GTF3C5: variants seen among roughly 807,000 people sequenced by gnomAD.
GTF3C5 encodes general transcription factor 3C polypeptide 5.
A neutral mutation model predicts 61.0 loss-of-function variants in GTF3C5; 47 were observed. That is an observed-to-expected ratio of 0.77 (90% CI 0.61 to 0.98). GTF3C5 has a LOEUF of 0.98. Among genes scored for constraint, GTF3C5 ranks in the 50% least tolerant of loss-of-function variants. The probability of loss-of-function intolerance (pLI) is 0.00; values close to 1 mark genes in which losing one functional copy is unlikely to be tolerated. For synonymous variants in GTF3C5, 295 were observed against 275.4 expected (o/e 1.07, Z -0.71); for missense variants, 659 against 703.3 (o/e 0.94, Z 0.71).
Position 133,055,248 on chromosome 9 carries a change from G to T in GTF3C5, c.1167+439G>T, listed in dbSNP as rs191518102. ...CAGTGCGGTTGCCCAGCGGGGGTTGGCGGTTTCCAGAGCTGTTCCCACATT... is the reference window on the plus strand; with the variant it reads ...CAGTGCGGTTGCCCAGCGGGGGTTGTCGGTTTCCAGAGCTGTTCCCACATT... On this transcript the variant is annotated intron_variant, in intron 8 of 10. Coordinates refer to ENST00000372097, the MANE Select transcript of GTF3C5 (RefSeq NM_012087.4). The T allele has an allele frequency of 3.6e-5, 53 of 1,475,816 alleles. No individual in the cohort carries two copies. The Middle Eastern group carries it at 5.3e-4, about 15-fold the overall frequency. 91.4% of individuals were successfully genotyped at this position (1,475,816 alleles called of 1,614,324 possible). A position where few individuals can be genotyped will look rare whatever the true frequency, so the allele number is the denominator to read the frequency against.
chr9:133,056,765 G>A lies in GTF3C5; in HGVS notation c.1251-1G>A. On this transcript the variant is annotated splice_acceptor_variant, in intron 9 of 10. Transcript: ENST00000372097. LOFTEE classifies it high-confidence loss of function. ...TGTCCCAACCCTCTCCCCACCCCCA[G>A]GTTGCAGAAGATCATTCACCGCAAT... is the stretch of plus-strand genomic sequence containing the variant. 5.0e-6 allele frequency: 8 copies of A among 1,598,162 alleles called. No individual in the cohort carries two copies. The highest frequency in any genetic ancestry group is 6.8e-6 in the Non-Finnish European group (8 of 1,171,698).
In GTF3C5 at chr9:133,031,151, A is replaced by T. The variant is rs1329953577; in HGVS notation, c.140A>T (p.Glu47Val). The T allele has an allele frequency of 1.9e-6, 3 of 1,575,304 alleles. No homozygotes were observed. Residue 47 changes from glutamate (E) to valine (V), a missense_variant, in exon 1 of 11, where the codon GAA (glutamate) becomes GTA (valine). Transcript: ENST00000372097. ...AKMLPTLGGE[E>V]GVSRIYADPT... ...ATGCTGCCGACTCTGGGCGGCGAGG[A>T]AGGCGTCTCCCGGGTAAGGGGCTGG...
chr9:133,056,654 G>T, intron 9 of GTF3C5, 112 bp from the exon 10 acceptor site: 2 of 1,015,352 alleles, frequency 2.0e-6, no homozygotes, highest in South Asian at 1.8e-5. Context: ...CTTCGCTCAC[G>T]GGGCTGCCTT....
At chr9:133,055,812 C>T in intron 8 of GTF3C5, 200 bp from the exon 9 acceptor site, 22 of 1,393,432 alleles carry the variant, frequency 1.6e-5, no homozygotes, top group Non-Finnish European at 2.0e-5. Flanking sequence ...GCTCCTCTGC[C>T]TCTCCCAGAG....
At chr9:133,039,096 C>G (rs1849962971) in intron 1 of GTF3C5, among the ~76,000 whole-genome samples, 1 of 152,172 alleles carries the variant, frequency 6.6e-6, no homozygotes, top group Non-Finnish European at 1.5e-5. Flanking sequence ...CGAGGTCACA[C>G]AGCAAGTGGG....
In GTF3C5 at chr9:133,054,957, C is replaced by T. The variant is rs372612378; in HGVS notation, c.1167+148C>T. ...GCTTCCTTTTAGGTCAGCCTTCAGA[C>T]ACTGAGGGTGAGAACTCGGGTGCAA... On this transcript the variant is annotated intron_variant, in intron 8 of 10. Coordinates refer to ENST00000372097, the MANE Select transcript of GTF3C5 (RefSeq NM_012087.4). The T allele has an allele frequency of 4.3e-5, 66 of 1,551,410 alleles. No homozygotes were observed. The highest frequency in any genetic ancestry group is 1.2e-4 in the East Asian group (5 of 40,932).
chr9:133,056,162 G>T, intron 9 of GTF3C5, 68 bp downstream of exon 9: 1 of 1,328,786 alleles, frequency 7.5e-7, no homozygotes, highest in Admixed American at 1.8e-5. Flanking sequence ...AGCGGTCTCT[G>T]AACTCTTCCA....
chr9:133,054,592 T>C, intron 7 of GTF3C5, 104 bp downstream of exon 7: 1 of 1,411,386 alleles, frequency 7.1e-7, no homozygotes, highest in Admixed American at 1.9e-5. Flanking sequence ...ACTCCAGGGC[T>C]CTGCCGGTCA....
intron 3 of GTF3C5, among the ~76,000 whole-genome samples, chr9:133,044,950 G>A (rs1156268302): frequency 3.4e-5 from 5 of 147,962 alleles, no homozygotes; most frequent in Non-Finnish European, 7.4e-5. Flanking sequence ...AAGCCCACAT[G>A]CAATTCAGAT....
At chr9:133,033,215 C>T (rs1430585658) in intron 1 of GTF3C5, among the ~76,000 whole-genome samples, 1 of 152,156 alleles carries the variant, frequency 6.6e-6, no homozygotes, top group Non-Finnish European at 1.5e-5. Flanking sequence ...CCTCGGGGAA[C>T]TCCAGTGGCA....
At chr9:133,052,704 G>C (rs571806034) in intron 5 of GTF3C5, among the ~76,000 whole-genome samples, 1 of 152,170 alleles carries the variant, frequency 6.6e-6, no homozygotes, top group African/African-American at 2.4e-5. Context: ...GGAGGCCAGC[G>C]TAAGACATGA....
chr9:133,032,236 G>GT (rs1008064118), intron 1 of GTF3C5, among the ~76,000 whole-genome samples: 87 of 152,366 alleles, frequency 5.7e-4, no homozygotes, highest in African/African-American at 2.0e-3. Flanking sequence ...CCTGGAATGG[G>GT]TTTTTATCCC....
At chr9:133,055,425 C>T (rs1178129332) in intron 8 of GTF3C5, 1 of 1,251,420 alleles carries the variant, frequency 8.0e-7, no homozygotes, top group South Asian at 1.3e-5. Flanking sequence ...TGTCTGGGGC[C>T]CTGCCTATTT....
At chr9:133,052,264 C>T in intron 5 of GTF3C5, 100 bp downstream of exon 5, 1 of 642,776 alleles carries the variant, frequency 1.6e-6, no homozygotes, top group Non-Finnish European at 2.8e-6. Context: ...AGCCAACCCC[C>T]TATCCTGGCT....
At chr9:133,050,216 C>G (rs1379565397) in intron 3 of GTF3C5, among the ~76,000 whole-genome samples, 1 of 152,126 alleles carries the variant, frequency 6.6e-6, no homozygotes, top group Non-Finnish European at 1.5e-5. Flanking sequence ...GGCAAATTTC[C>G]CAGTCCCTGT....
intron 1 of GTF3C5, among the ~76,000 whole-genome samples, chr9:133,041,714 G>A (rs1180456675): frequency 1.3e-5 from 2 of 152,052 alleles, no homozygotes; most frequent in Admixed American, 6.5e-5. Context: ...CTTTATTTCT[G>A]CAGTCTCGTC....
intron 3 of GTF3C5, among the ~76,000 whole-genome samples, chr9:133,050,207 G>T (rs1451566437): frequency 6.6e-6 from 1 of 152,110 alleles, no homozygotes; most frequent in East Asian, 1.9e-4. Context: ...CCGTCTCTGG[G>T]CAAATTTCCC....
Position 133,054,505 on chromosome 9 carries a change from C to A in GTF3C5, c.1069+17C>A. 6.2e-7 allele frequency: 1 copy of A among 1,611,176 alleles called. No individual in the cohort carries two copies. The highest frequency in any genetic ancestry group is 8.5e-7 in the Non-Finnish European group (1 of 1,177,386). On this transcript the variant is annotated intron_variant, in intron 7 of 10. Transcript: ENST00000372097. ...AGAAGACATGTAAGCGTGCCAGGCG[C>A]CTTTTGTGGGTCATGAGTGATTTGC...
Position 133,052,164 on chromosome 9 carries a change from G to C in GTF3C5, c.873G>C (p.Met291Ile). 2 of 1,536,402 alleles carry C rather than the reference G, an allele frequency of 1.3e-6. No individual in the cohort carries two copies. The highest frequency in any genetic ancestry group is 1.8e-6 in the Non-Finnish European group (2 of 1,115,330). Reference sequence around the variant, plus strand: ...TGCTTCCCTTCATAGCCTATTACATGGTAAGTGTCAGCTGCCCACCCACCT... The same window carrying C: ...TGCTTCCCTTCATAGCCTATTACATCGTAAGTGTCAGCTGCCCACCCACCT... ...KVLLPFIAYY[M>I]ITGPWRSLWI... Residue 291 changes from methionine (M) to isoleucine (I), a missense_variant and splice_region_variant, in exon 5 of 11, where the codon ATG (methionine) becomes ATC (isoleucine). Transcript: ENST00000372097.
Sources: gnomAD v4.1 joint callset for allele counts (sites outside exome capture counted in the v4.1 genomes callset) on GRCh38, gnomAD v4.1.1 for gene constraint, MANE v1.5 for transcripts, NCBI Gene and HGNC (gene_info 2026-07-23, HGNC 2026-07-21) for gene names.